The following SPAG16 variants were observed in gnomAD, a reference collection of about 807,000 sequenced individuals.
SPAG16 encodes sperm-associated antigen 16 protein.
A neutral mutation model predicts 80.4 loss-of-function variants in SPAG16; 86 were observed. That is an observed-to-expected ratio of 1.07 (90% confidence interval 0.90 to 1.28). The LOEUF (loss-of-function observed/expected upper bound fraction) is 1.28. SPAG16 is among the 50% of genes most tolerant of loss of function. The pLI is 0.00. For missense variants in SPAG16, 870 were observed against 765.3 expected, an observed-to-expected ratio of 1.14 and a Z score of -1.61; for synonymous variants, 294 against 265.9, an observed-to-expected ratio of 1.11 and a Z score of -1.03.
intron 15 of SPAG16, among the ~76,000 whole-genome samples, chr2:214,249,590 C>G (rs1439577786): frequency 2.0e-5 from 3 of 151,984 alleles, no homozygotes; most frequent in African/African-American, 7.2e-5. Flanking sequence ...CAAGTAAACA[C>G]GATTGACAAT....
intron 11 of SPAG16, among the ~76,000 whole-genome samples, chr2:213,883,354 T>G (rs1383783953): frequency 6.6e-6 from 1 of 152,208 alleles, no homozygotes. Flanking sequence ...TTTTTATTGC[T>G]CTGTTGTCTG....
intron 10 of SPAG16, among the ~76,000 whole-genome samples, chr2:213,748,202 G>A (rs2067919805): frequency 6.6e-6 from 1 of 152,062 alleles, no homozygotes; most frequent in South Asian, 2.1e-4. Context: ...ACGAAAAATA[G>A]AGTTGTTTTC....
chr2:213,933,568 A>C (rs1327378191), intron 12 of SPAG16, among the ~76,000 whole-genome samples: 1 of 152,228 alleles, frequency 6.6e-6, no homozygotes. Flanking sequence ...AAGGGGTCGG[A>C]AACAGCCAAA....
At chr2:213,555,394 T>C (rs1187459165) in intron 10 of SPAG16, among the ~76,000 whole-genome samples, 1 of 152,144 alleles carries the variant, frequency 6.6e-6, no homozygotes, top group African/African-American at 2.4e-5. Context: ...CAAGGTGTCA[T>C]GGTTGTATAA....
At chr2:213,939,393 A>G (rs886404951) in intron 12 of SPAG16, among the ~76,000 whole-genome samples, 2 of 152,170 alleles carry the variant, frequency 1.3e-5, no homozygotes, top group African/African-American at 4.8e-5. Flanking sequence ...ATTGATCAAA[A>G]GATTAATTCC....
At chr2:214,377,376 A>G (rs1700190051) in intron 15 of SPAG16, among the ~76,000 whole-genome samples, 2 of 152,208 alleles carry the variant, frequency 1.3e-5, no homozygotes, top group African/African-American at 4.8e-5. Flanking sequence ...ATTGCTTGAT[A>G]TGTACCATAG....
chr2:213,807,371 C>T (rs889286097), intron 10 of SPAG16, among the ~76,000 whole-genome samples: 1 of 152,048 alleles, frequency 6.6e-6, no homozygotes, highest in Non-Finnish European at 1.5e-5. Context: ...CTACATAGTG[C>T]CATTCATTCT....
chr2:214,072,954 C>G (rs1428092182), intron 13 of SPAG16, among the ~76,000 whole-genome samples: 1 of 152,008 alleles, frequency 6.6e-6, no homozygotes, highest in African/African-American at 2.4e-5. Context: ...TGAACACATA[C>G]AAATATATTA....
At chr2:214,126,777 A>G (rs1014081267) in intron 14 of SPAG16, among the ~76,000 whole-genome samples, 3 of 151,844 alleles carry the variant, frequency 2.0e-5, no homozygotes, top group East Asian at 1.9e-4. Context: ...CAATGATCAA[A>G]CAGCAAAAGT....
intron 15 of SPAG16, among the ~76,000 whole-genome samples, chr2:214,189,101 T>G (rs951959280): frequency 1.3e-5 from 2 of 152,148 alleles, no homozygotes; most frequent in African/African-American, 4.8e-5. Flanking sequence ...TTGTATTGCA[T>G]AGATTTGTGC....
intron 7 of SPAG16, among the ~76,000 whole-genome samples, chr2:213,357,584 C>CT (rs993036122): frequency 5.9e-5 from 9 of 151,968 alleles, no homozygotes; most frequent in East Asian, 3.9e-4. Flanking sequence ...GCAACCCCTG[C>CT]TTTTTTTTGC....
chr2:214,311,505 T>C (rs1695318260), intron 15 of SPAG16: 1 of 152,250 alleles, frequency 6.6e-6, no homozygotes, highest in Admixed American at 6.5e-5. Context: ...CCCGACAGTT[T>C]GGCTGTTAGT....
At chr2:213,580,822 A>G (rs185062783) in intron 10 of SPAG16, among the ~76,000 whole-genome samples, 102 of 152,224 alleles carry the variant, frequency 6.7e-4, no homozygotes, top group Non-Finnish European at 1.3e-3. Flanking sequence ...ATACAAATTT[A>G]TAGGTACTTC....
intron 10 of SPAG16, among the ~76,000 whole-genome samples, chr2:213,612,175 T>G (rs1258828072): frequency 6.6e-6 from 1 of 152,216 alleles, no homozygotes; most frequent in Non-Finnish European, 1.5e-5. Context: ...AAATGTTATG[T>G]CTCTTATCTT....
At chr2:214,081,431 A>T (rs1448242329) in intron 13 of SPAG16, among the ~76,000 whole-genome samples, 5 of 152,162 alleles carry the variant, frequency 3.3e-5, no homozygotes, top group Admixed American at 1.3e-4. Flanking sequence ...ATACTGAAGT[A>T]GGGGGAGCCC....
intron 15 of SPAG16, among the ~76,000 whole-genome samples, chr2:214,305,385 A>C (rs553256972): frequency 2.6e-4 from 39 of 152,158 alleles, no homozygotes; most frequent in Non-Finnish European, 5.3e-4. Flanking sequence ...ATTAGATCCC[A>C]TTTGTCAACT....
intron 15 of SPAG16, among the ~76,000 whole-genome samples, chr2:214,319,824 C>T (rs1695976704): frequency 6.6e-6 from 1 of 152,102 alleles, no homozygotes; most frequent in Non-Finnish European, 1.5e-5. Flanking sequence ...TAGTTGCTGT[C>T]AATATGTCTC....
At chr2:214,112,243 T>C (rs1466642858) in intron 14 of SPAG16, among the ~76,000 whole-genome samples, 2 of 152,176 alleles carry the variant, frequency 1.3e-5, no homozygotes, top group Non-Finnish European at 2.9e-5. Flanking sequence ...ATGTGGTCCA[T>C]TTTAGAATAA....
chr2:213,515,625 A>G (rs1007393422), intron 10 of SPAG16, among the ~76,000 whole-genome samples: 3 of 152,182 alleles, frequency 2.0e-5, no homozygotes, highest in Non-Finnish European at 2.9e-5. Context: ...CCTGGGGGAA[A>G]AATATGACAG....
Sources: gnomAD v4.1 joint callset for allele counts (sites outside exome capture counted in the v4.1 genomes callset) on GRCh38, gnomAD v4.1.1 for gene constraint, MANE v1.5 for transcripts, NCBI Gene and HGNC (gene_info 2026-07-23, HGNC 2026-07-21) for gene names.